The following CAPN9 variants were observed in gnomAD, a reference collection of about 807,000 sequenced individuals.
CAPN9 encodes calpain 9.
A neutral mutation model predicts 92.8 loss-of-function variants in CAPN9; 81 were observed. That is an observed-to-expected ratio of 0.87 (90% CI 0.73 to 1.05). The LOEUF is 1.05. Among genes scored for constraint, CAPN9 ranks in the 50% least tolerant of loss-of-function variants. The pLI, the probability that CAPN9 is intolerant of heterozygous loss-of-function variation, is 0.00. For synonymous variants in CAPN9, 304 were observed against 328.0 expected (o/e 0.93, Z 0.79); for missense variants, 848 against 866.2 (o/e 0.98, Z 0.26).
intron 18 of CAPN9, among the ~76,000 whole-genome samples, chr1:230,797,062 G>A (rs1272687894): frequency 6.6e-6 from 1 of 152,090 alleles, no homozygotes; most frequent in Admixed American, 6.5e-5. Context: ...CTCAAACTTC[G>A]CTGTACATTA....
intron 1 of CAPN9, among the ~76,000 whole-genome samples, chr1:230,751,771 A>C (rs935459301): frequency 6.6e-6 from 1 of 150,950 alleles, no homozygotes; most frequent in African/African-American, 2.4e-5. Flanking sequence ...GTACAAGGTA[A>C]ACAGAACAGT....
At chr1:230,776,239 AGC>A (rs1324463652) in intron 8 of CAPN9, 1 of 152,194 alleles carries the variant, frequency 6.6e-6, no homozygotes, top group Non-Finnish European at 1.5e-5. Flanking sequence ...AGGGCAAGGC[AGC>A]TCTCTGGGGC....
rs112693071 is a variant in CAPN9 at position 230,755,336 on chromosome 1, G to A, written c.214-1G>A. On this transcript the variant is annotated splice_acceptor_variant, in intron 1 of 19. Coordinates refer to ENST00000271971, the MANE Select transcript of CAPN9 (RefSeq NM_006615.3). LOFTEE classifies it high-confidence loss of function. ...GCCTAATAACACTCTCATTCCTCCA[G>A]GAAATCGTGAAAAACCCAGAATTCA... 7.0e-5 allele frequency: 112 copies of A among 1,609,586 alleles called. No individual in the cohort carries two copies. In the African/African-American group the frequency reaches 1.0e-3, roughly 15 times the overall value.
At chr1:230,759,313 A>C (rs1182851083) in intron 2 of CAPN9, among the ~76,000 whole-genome samples, 199 bp from the exon 3 acceptor site, 2 of 152,212 alleles carry the variant, frequency 1.3e-5, no homozygotes, top group African/African-American at 4.8e-5. Flanking sequence ...ACAGCTGTTT[A>C]TGATAGACGG....
chr1:230,748,132 A>G (rs1325789572), intron 1 of CAPN9, among the ~76,000 whole-genome samples: 4 of 152,104 alleles, frequency 2.6e-5, no homozygotes, highest in Non-Finnish European at 5.9e-5. Flanking sequence ...GTGTGGATGG[A>G]TGTTTGGCTC....
chr1:230,785,501 T>C (rs1413252343), intron 11 of CAPN9, among the ~76,000 whole-genome samples: 1 of 152,082 alleles, frequency 6.6e-6, no homozygotes, highest in East Asian at 1.9e-4. Context: ...CGATAGTGAG[T>C]TTGCACGAGA....
intron 1 of CAPN9, among the ~76,000 whole-genome samples, chr1:230,750,364 C>G (rs371324304): frequency 6.6e-6 from 1 of 152,186 alleles, no homozygotes; most frequent in Non-Finnish European, 1.5e-5. Context: ...CTGCCTTTTC[C>G]TTTGTCTGCA....
rs763331519 is a variant in CAPN9, at chr1:230,747,577, G to A, written c.81G>A (p.Gln27=). The change falls in exon 1 of 20, where the codon CAG becomes CAA. Residue 27 remains glutamine, a synonymous_variant. Coordinates refer to ENST00000271971, the MANE Select transcript of CAPN9 (RefSeq NM_006615.3). ...KDARITHSSG[Q]SFEQMRQECL... ...CCCGGATCACCCACTCCTCAGGCCA[G>A]AGCTTTGAGCAAATGAGGCAGGAGT... The A allele has an allele frequency of 6.2e-7, 1 of 1,614,218 alleles. No individual in the cohort carries two copies. Among genetic ancestry groups the A allele is most frequent in the East Asian group, 2.2e-5 (1 of 44,888 alleles).
In CAPN9 at chr1:230,792,840, C is replaced by T; in HGVS notation, c.1792-10C>T. On this transcript the variant is annotated splice_polypyrimidine_tract_variant and intron_variant, in intron 16 of 19. Coordinates refer to ENST00000271971, the MANE Select transcript of CAPN9 (RefSeq NM_006615.3). Reference sequence around the variant, plus strand: ...GCTCCTTCTCAAGGCTTCTGCTCTCCACCCTTTAGAACCTTTTCCTTCGGT... The same window carrying T: ...GCTCCTTCTCAAGGCTTCTGCTCTCTACCCTTTAGAACCTTTTCCTTCGGT... 1 of 1,612,412 alleles carries T rather than the reference C, an allele frequency of 6.2e-7. No homozygotes were observed. The highest frequency in any genetic ancestry group is 8.5e-7 in the Non-Finnish European group (1 of 1,178,538).
intron 4 of CAPN9, among the ~76,000 whole-genome samples, chr1:230,764,970 C>T (rs1321744745): frequency 6.6e-6 from 1 of 152,054 alleles, no homozygotes; most frequent in Non-Finnish European, 1.5e-5. Flanking sequence ...TATTTCCTTG[C>T]TTTGTCAGTG....
At chr1:230,761,048 C>T (rs1330436074) in intron 3 of CAPN9, among the ~76,000 whole-genome samples, 1 of 152,118 alleles carries the variant, frequency 6.6e-6, no homozygotes, top group East Asian at 1.9e-4. Flanking sequence ...AGTGGTTGAT[C>T]CAGGGTCACA....
intron 1 of CAPN9, among the ~76,000 whole-genome samples, chr1:230,749,867 G>C (rs1664656419): frequency 6.6e-6 from 1 of 152,112 alleles, no homozygotes; most frequent in Non-Finnish European, 1.5e-5. Context: ...CCTGACTCTA[G>C]GAGGGCCCCC....
At chr1:230,752,391 G>T (rs1313607152) in intron 1 of CAPN9, among the ~76,000 whole-genome samples, 1 of 152,208 alleles carries the variant, frequency 6.6e-6, no homozygotes, top group Non-Finnish European at 1.5e-5. Context: ...TATACCCGAT[G>T]GCTAATTTGT....
At chr1:230,798,300 G>T in intron 19 of CAPN9, 80 bp downstream of exon 19, 1 of 921,084 alleles carries the variant, frequency 1.1e-6, no homozygotes, top group Admixed American at 2.1e-5. Flanking sequence ...TTTGCCGAAT[G>T]CTTGATTTCA....
At chr1:230,794,415 A>G (rs553004323) in intron 17 of CAPN9, among the ~76,000 whole-genome samples, 1 of 152,304 alleles carries the variant, frequency 6.6e-6, no homozygotes, top group East Asian at 1.9e-4. Context: ...CAGAAGGCAG[A>G]AGTTGCACTG....
In CAPN9 at chr1:230,769,231, G is replaced by A. The variant is rs1666220185; in HGVS notation, c.757G>A (p.Gly253Ser). 2 of 1,613,996 alleles carry A rather than the reference G, an allele frequency of 1.2e-6. No homozygotes were observed. The highest frequency in any genetic ancestry group is 1.7e-6 in the Non-Finnish European group (2 of 1,179,984). The change falls in exon 6 of 20, where the codon GGT becomes AGT. Residue 253 changes from glycine to serine, a missense_variant. By Grantham distance (56) the Gly-to-Ser change is moderately conservative (BLOSUM62 0). Coordinates refer to ENST00000271971, the MANE Select transcript of CAPN9 (RefSeq NM_006615.3). ...EARTPFGLIK[G>S]HAYSVTGIDQ... ...CCGGACGCCGTTTGGTCTTATTAAGGGTCATGCCTACAGTGTAACGGGAAT... is the reference window on the plus strand; with the variant it reads ...CCGGACGCCGTTTGGTCTTATTAAGAGTCATGCCTACAGTGTAACGGGAAT...
At chr1:230,791,781 C>A (rs1340203022) in intron 14 of CAPN9, 83 bp from the exon 15 acceptor site, 2 of 1,033,520 alleles carry the variant, frequency 1.9e-6, no homozygotes, top group African/African-American at 1.6e-5. Flanking sequence ...CTGGATTTAG[C>A]CACATTATTG....
intron 12 of CAPN9, 72 bp downstream of exon 12, chr1:230,786,089 G>A: frequency 1.2e-6 from 2 of 1,607,862 alleles, no homozygotes. Flanking sequence ...TCTAATCACA[G>A]CATCATGTAA....
At chr1:230,751,582 A>G (rs1664778996) in intron 1 of CAPN9, among the ~76,000 whole-genome samples, 2 of 14,478 alleles carry the variant, frequency 1.4e-4, no homozygotes, top group Middle Eastern at 0.02. Flanking sequence ...AAGAAGAAAG[A>G]AACAAAGAAA....
Sources: allele counts gnomAD v4.1 joint callset (sites outside exome capture counted in the v4.1 genomes callset), GRCh38; gene constraint gnomAD v4.1.1; transcripts MANE v1.5; gene names NCBI Gene and HGNC (gene_info 2026-07-23, HGNC 2026-07-21).